Variants in NCOA1 observed in about 807,000 individuals in gnomAD.
NCOA1 encodes the protein nuclear receptor coactivator 1, also known as Hin-2 protein.
Under a neutral mutation model 150.9 loss-of-function variants are expected in NCOA1, and 35 were observed. The ratio of observed to expected loss-of-function variants is 0.23; its 90% CI spans 0.18 to 0.31. The LOEUF (loss-of-function observed/expected upper bound fraction) is 0.31. Ranked by LOEUF, NCOA1 falls within the 10% of genes least tolerant of loss-of-function variation. The pLI is 1.00. For missense variants in NCOA1, 1,491 were observed against 1,749.3 expected (o/e 0.85, Z 2.63); for synonymous variants, 590 against 630.0 (o/e 0.94, Z 0.95).
intron 18 of NCOA1, 45 bp from the exon 19 acceptor site, chr2:24,741,739 G>C (rs376170642): frequency 6.4e-7 from 1 of 1,555,188 alleles, no homozygotes; most frequent in Non-Finnish European, 8.7e-7. Context: ...AGGATAGATA[G>C]TGATTATAAT....
At chr2:24,533,191 G>T (rs62142272) in intron 1 of NCOA1, among the ~76,000 whole-genome samples, 11 of 151,988 alleles carry the variant, frequency 7.2e-5, no homozygotes, top group Non-Finnish European at 1.3e-4. Context: ...TGGATTCCTA[G>T]GTATTTTATT....
intron 1 of NCOA1, among the ~76,000 whole-genome samples, chr2:24,494,433 C>T (rs1294769388): frequency 6.6e-6 from 1 of 152,130 alleles, no homozygotes; most frequent in African/African-American, 2.4e-5. Flanking sequence ...ATGGAGTTGG[C>T]TGGCCTTAAG....
chr2:24,720,262 GGT>G (rs1674290416), intron 14 of NCOA1, among the ~76,000 whole-genome samples: 1 of 152,172 alleles, frequency 6.6e-6, no homozygotes, highest in African/African-American at 2.4e-5. Flanking sequence ...GACTGGAAGG[GGT>G]GAGGCAAGAA....
At chr2:24,630,178 T>C (rs1163476787) in intron 3 of NCOA1, among the ~76,000 whole-genome samples, 4 of 152,176 alleles carry the variant, frequency 2.6e-5, no homozygotes, top group Non-Finnish European at 5.9e-5. Context: ...TGAACAATTC[T>C]TGACTAGGTA....
chr2:24,741,646 C>T, intron 18 of NCOA1, 138 bp from the exon 19 acceptor site: 1 of 909,324 alleles, frequency 1.1e-6, no homozygotes, highest in Non-Finnish European at 1.6e-6. Flanking sequence ...TGTTCCTTTT[C>T]TGTTTTAGTT....
chr2:24,531,660 A>C lies in NCOA1; in HGVS notation c.-395-32635A>C, dbSNP rs954549298. 2.0e-5 allele frequency among the ~76,000 whole-genome samples: 3 copies of C among 152,174 alleles called. No homozygotes were observed. The East Asian group carries it at 5.8e-4, about 29-fold the overall frequency. On this transcript the variant is annotated intron_variant, in intron 1 of 22. Coordinates refer to ENST00000348332, the MANE Select transcript of NCOA1 (RefSeq NM_003743.5). ...TGTGATGTGTCCTGCCCTGTGTCCA[A>C]GTGTTCTCATTGTTCAGTTCCCACC...
At chr2:24,688,977 A>G (rs963561999) in intron 8 of NCOA1, among the ~76,000 whole-genome samples, 1 of 152,162 alleles carries the variant, frequency 6.6e-6, no homozygotes, top group African/African-American at 2.4e-5. Flanking sequence ...CTATCCAGTT[A>G]TCACAGCACC....
chr2:24,713,731 T>C (rs111820828), intron 14 of NCOA1, among the ~76,000 whole-genome samples: 8 of 152,282 alleles, frequency 5.3e-5, no homozygotes, highest in African/African-American at 1.9e-4. Flanking sequence ...TCATCTCAGC[T>C]TTTTTCTTGG....
At chr2:24,636,852 G>T (rs895379229) in intron 3 of NCOA1, among the ~76,000 whole-genome samples, 3 of 151,692 alleles carry the variant, frequency 2.0e-5, no homozygotes, top group African/African-American at 7.3e-5. Flanking sequence ...TGCTTTTTCT[G>T]CATCCATTGA....
chr2:24,552,321 T>TTTTATATATATATATATA (rs1262879918), intron 1 of NCOA1, among the ~76,000 whole-genome samples: 2 of 30,584 alleles, frequency 6.5e-5, no homozygotes, highest in African/African-American at 1.6e-4. Flanking sequence ...TTCATATATA[T>TTTTATATATATATATATA]TATATATATA....
chr2:24,529,609 T>A (rs952914099), intron 1 of NCOA1, among the ~76,000 whole-genome samples: 20 of 152,216 alleles, frequency 1.3e-4, no homozygotes, highest in Admixed American at 4.6e-4. Context: ...AGTGATGGGC[T>A]ACAGGTAAAA....
chr2:24,511,160 G>A (rs906108023), intron 1 of NCOA1, among the ~76,000 whole-genome samples: 6 of 152,180 alleles, frequency 3.9e-5, no homozygotes, highest in Non-Finnish European at 7.3e-5. Flanking sequence ...CATCCATGTT[G>A]TAGCATGTAT....
At chr2:24,585,509 A>G (rs898421541) in intron 3 of NCOA1, among the ~76,000 whole-genome samples, 3 of 152,086 alleles carry the variant, frequency 2.0e-5, no homozygotes, top group African/African-American at 7.2e-5. Context: ...TTTTTTTTTA[A>G]CATAATGGCA....
chr2:24,669,983 A>T (rs529872356), intron 6 of NCOA1, among the ~76,000 whole-genome samples: 13 of 152,302 alleles, frequency 8.5e-5, no homozygotes, highest in Admixed American at 3.9e-4. Flanking sequence ...ACAAAAAAAT[A>T]AAAAATTACC....
Position 24,683,099 on chromosome 2 carries a change from T to C in NCOA1, c.503T>C (p.Phe168Ser). The C allele has an allele frequency of 6.3e-7, 1 of 1,575,796 alleles. No homozygotes were observed. Among genetic ancestry groups the C allele is most frequent in the Admixed American group, 2.0e-5 (1 of 49,920 alleles). The change falls in exon 8 of 23, where the codon TTT becomes TCT. Residue 168 changes from phenylalanine to serine, a missense_variant. Physicochemically the swap from Phe to Ser is radical, Grantham distance 155. This residue lies in a region of NCOA1 where 80 missense variants were observed against 163.0 expected (regional missense o/e 0.49). Coordinates refer to ENST00000348332, the MANE Select transcript of NCOA1 (RefSeq NM_003743.5). ...SILHVGDHAE[F>S]VKNLLPKSLV... ...CTGCACGTGGGGGATCATGCAGAAT[T>C]TGTGAAGAATCTGCTACCAAAATCA... is the stretch of plus-strand genomic sequence containing the variant.
chr2:24,562,817 C>T (rs776218255), intron 1 of NCOA1, among the ~76,000 whole-genome samples: 9 of 151,946 alleles, frequency 5.9e-5, no homozygotes, highest in Admixed American at 1.3e-4. Flanking sequence ...AGATAACAAG[C>T]GACTAGAATG....
intron 1 of NCOA1, among the ~76,000 whole-genome samples, chr2:24,562,286 A>G (rs1666322807): frequency 6.6e-6 from 1 of 152,180 alleles, no homozygotes; most frequent in Non-Finnish European, 1.5e-5. Context: ...ACATTACAAA[A>G]CTTTTTGAAT....
At chr2:24,748,610 C>T (rs1365539503) in intron 19 of NCOA1, among the ~76,000 whole-genome samples, 1 of 75,194 alleles carries the variant, frequency 1.3e-5, no homozygotes, top group Middle Eastern at 6.9e-3. Flanking sequence ...GAGTGAAACT[C>T]GGTCTCAAAA....
intron 2 of NCOA1, among the ~76,000 whole-genome samples, chr2:24,576,159 T>G (rs61322193): frequency 0.011 from 1,075 of 94,010 alleles, 37 homozygotes; most frequent in African/African-American, 0.04. Flanking sequence ...GTTTTTTTTT[T>G]TTTGTTTTTT....
Sources: gnomAD v4.1 joint callset for allele counts (sites outside exome capture counted in the v4.1 genomes callset) on GRCh38, gnomAD v4.1.1 for gene constraint, gnomAD v4.1.1 regional missense constraint, MANE v1.5 for transcripts, NCBI Gene and HGNC (gene_info 2026-07-23, HGNC 2026-07-21) for gene names.